Variants in RTN1 observed in about 807,000 individuals in gnomAD.
The protein encoded by RTN1 is reticulon 1.
A neutral mutation model predicts 65.5 loss-of-function variants in RTN1; 25 were observed. That is an observed-to-expected ratio of 0.38 (90% CI 0.28 to 0.53). The LOEUF (loss-of-function observed/expected upper bound fraction) is 0.53, where lower values mean the gene tolerates loss of function less well. RTN1 is among the 20% of genes least tolerant of loss of function. RTN1 has a pLI of 0.79. For synonymous variants in RTN1, 471 were observed against 447.6 expected (o/e 1.05, Z -0.66); for missense variants, 983 against 1,025.4 (o/e 0.96, Z 0.57).
At chr14:59,603,306 G>C (rs983487825) in intron 6 of RTN1, 48 bp from the exon 7 acceptor site, 1 of 1,441,958 alleles carries the variant, frequency 6.9e-7, no homozygotes, top group Non-Finnish European at 9.7e-7. Context: ...TTATCAATAA[G>C]AATACGCTTA....
intron 1 of RTN1, among the ~76,000 whole-genome samples, chr14:59,813,100 A>G (rs1886758632): frequency 1.3e-5 from 2 of 152,342 alleles, no homozygotes; most frequent in South Asian, 4.1e-4. Context: ...CCTTCATTGT[A>G]AAGGTGGCAT....
chr14:59,832,372 G>A (rs1304099037), intron 1 of RTN1, among the ~76,000 whole-genome samples: 2 of 151,922 alleles, frequency 1.3e-5, no homozygotes, highest in Non-Finnish European at 2.9e-5. Flanking sequence ...TGTGGTGCAG[G>A]ATCCATGGTC....
chr14:59,792,917 G>T (rs1462226398), intron 1 of RTN1, among the ~76,000 whole-genome samples: 1 of 152,094 alleles, frequency 6.6e-6, no homozygotes. Flanking sequence ...TTTTCATTGT[G>T]TCATGCTGAG....
intron 3 of RTN1, among the ~76,000 whole-genome samples, chr14:59,661,218 T>G (rs1018880455): frequency 1.8e-5 from 2 of 113,714 alleles, no homozygotes; most frequent in Admixed American, 2.6e-4. Context: ...CAGACCAATA[T>G]CAAGTTGTGA....
At chr14:59,744,251 G>A (rs2139505404) in intron 2 of RTN1, among the ~76,000 whole-genome samples, 1 of 152,298 alleles carries the variant, frequency 6.6e-6, no homozygotes, top group Non-Finnish European at 1.5e-5. Context: ...TTTCACCTGA[G>A]GTGCATACCA....
At position 59,774,561 on chromosome 14, in the gene RTN1, G is replaced by C. The variant is rs533172379; in HGVS notation, c.242-28080C>G. On this transcript the variant is annotated intron_variant, in intron 1 of 8. Coordinates refer to ENST00000267484, the MANE Select transcript of RTN1 (RefSeq NM_021136.3). This position sits in a 1 kb window ranked among gnomAD's most constrained non-coding sequence, Gnocchi z 5.1. ...ATCAAAATCAGTTCAAAATAGTCCAGTTCTTTAATTTGCTTTCTCCTCCCT... is the reference window on the plus strand; with the variant it reads ...ATCAAAATCAGTTCAAAATAGTCCACTTCTTTAATTTGCTTTCTCCTCCCT... Among the ~76,000 whole-genome samples, 134 of 151,342 alleles carry C rather than the reference G, an allele frequency of 8.9e-4. 4 individuals carry two copies. Among genetic ancestry groups the C allele is most frequent in the South Asian group, 5.0e-3 (24 of 4,822 alleles).
intron 3 of RTN1, among the ~76,000 whole-genome samples, chr14:59,676,745 G>C (rs891080351): frequency 3.9e-5 from 6 of 152,240 alleles, no homozygotes; most frequent in Non-Finnish European, 8.8e-5. Context: ...AATCAGAATT[G>C]CTGGGGATGA....
chr14:59,713,619 C>G (rs570922532), intron 3 of RTN1, among the ~76,000 whole-genome samples: 1 of 152,292 alleles, frequency 6.6e-6, no homozygotes, highest in Non-Finnish European at 1.5e-5. Flanking sequence ...CACTGCTTCG[C>G]CCAATTCAGA....
At chr14:59,762,476 T>G (rs1885769149) in intron 1 of RTN1, among the ~76,000 whole-genome samples, 2 of 152,150 alleles carry the variant, frequency 1.3e-5, no homozygotes, top group South Asian at 4.1e-4. Context: ...GTTAAGGAAC[T>G]TGTTATTAGG....
chr14:59,626,763 A>C (rs1882411173), intron 3 of RTN1, among the ~76,000 whole-genome samples: 1 of 152,188 alleles, frequency 6.6e-6, no homozygotes, highest in Admixed American at 6.5e-5. Flanking sequence ...AGTCTCACGG[A>C]GGCTTAATTA....
chr14:59,727,685 C>T lies in RTN1; in HGVS notation c.1016-17G>A, dbSNP rs763522719. The T allele has an allele frequency of 3.2e-6, 5 of 1,571,054 alleles. No individual in the cohort carries two copies. Among genetic ancestry groups the T allele is most frequent in the Non-Finnish European group, 4.3e-6 (5 of 1,157,782 alleles). ...CAGATGGTTCTGTCGTCCCACAGAG[C>T]GAAGGAGAGCCACGGAGGCACACAC... On this transcript the variant is annotated splice_polypyrimidine_tract_variant and intron_variant, in intron 2 of 8. Transcript: ENST00000267484. This position sits in a 1 kb window ranked among gnomAD's most constrained non-coding sequence, Gnocchi z 4.2.
intron 1 of RTN1, among the ~76,000 whole-genome samples, chr14:59,859,081 T>C (rs1015299335): frequency 1.3e-5 from 2 of 152,208 alleles, no homozygotes; most frequent in African/African-American, 4.8e-5. Context: ...AAGTAGTCAA[T>C]TTGGGGTAAC....
At chr14:59,787,873 C>T (rs989324423) in intron 1 of RTN1, among the ~76,000 whole-genome samples, 7 of 152,282 alleles carry the variant, frequency 4.6e-5, no homozygotes, top group East Asian at 1.9e-4. Context: ...ATATATCCTT[C>T]GGTAAATTAT....
At chr14:59,684,154 T>C (rs1040132773) in intron 3 of RTN1, among the ~76,000 whole-genome samples, 22 of 152,090 alleles carry the variant, frequency 1.4e-4, no homozygotes, top group African/African-American at 5.1e-4. Flanking sequence ...ACCTCACTCT[T>C]CTAACTTTTT....
At chr14:59,618,187 C>T (rs557578305) in intron 3 of RTN1, among the ~76,000 whole-genome samples, 1 of 152,290 alleles carries the variant, frequency 6.6e-6, no homozygotes, top group African/African-American at 2.4e-5. Flanking sequence ...TCCTTCTTGC[C>T]TGGGGACTAG....
At chr14:59,599,017 T>C (rs1372686324) in intron 8 of RTN1, among the ~76,000 whole-genome samples, 1 of 152,198 alleles carries the variant, frequency 6.6e-6, no homozygotes, top group East Asian at 1.9e-4. Context: ...CAATATGGAA[T>C]ATAATATGAC....
chr14:59,663,111 C>G (rs1035724837), intron 3 of RTN1, among the ~76,000 whole-genome samples: 2 of 152,082 alleles, frequency 1.3e-5, no homozygotes, highest in African/African-American at 4.8e-5. Flanking sequence ...GAAATAACAC[C>G]GCACATCTAC....
chr14:59,674,814 T>C (rs1957985), intron 3 of RTN1, among the ~76,000 whole-genome samples: 109,511 of 151,586 alleles, frequency 0.72, 39,799 homozygotes, highest in Non-Finnish European at 0.74. Flanking sequence ...TATCTCAAAA[T>C]TGCAAATGGC....
At chr14:59,765,832 G>T (rs1885838754) in intron 1 of RTN1, among the ~76,000 whole-genome samples, 1 of 151,944 alleles carries the variant, frequency 6.6e-6, no homozygotes, top group East Asian at 1.9e-4. Flanking sequence ...CTGGTGTTTG[G>T]CGTCCTCTAA....
Sources: allele counts gnomAD v4.1 joint callset (sites outside exome capture counted in the v4.1 genomes callset), GRCh38; gene constraint gnomAD v4.1.1; non-coding constraint Gnocchi (gnomAD v3.1); transcripts MANE v1.5; gene names NCBI Gene and HGNC (gene_info 2026-07-23, HGNC 2026-07-21).